Variants in MTMR1 observed in about 807,000 individuals in gnomAD.
The protein encoded by MTMR1 is phosphatidylinositol-3-phosphate phosphatase MTMR1.
Under a neutral mutation model 51.6 loss-of-function variants are expected in MTMR1, and 17 were observed. The ratio of observed to expected loss-of-function variants is 0.33; its 90% confidence interval spans 0.23 to 0.49. The LOEUF (loss-of-function observed/expected upper bound fraction) is 0.49. Ranked by LOEUF, MTMR1 falls within the 20% of genes least tolerant of loss-of-function variation. The probability of loss-of-function intolerance (pLI) is 0.99; values close to 1 mark genes in which losing one functional copy is unlikely to be tolerated. For synonymous variants in MTMR1, 201 were observed against 205.6 expected, an observed-to-expected ratio of 0.98 and a Z score of 0.19; for missense variants, 386 against 526.9, an observed-to-expected ratio of 0.73 and a Z score of 2.62.
intron 15 of MTMR1, among the ~76,000 whole-genome samples, chrX:150,761,188 C>G (rs1341124920): frequency 1.8e-5 from 2 of 110,953 alleles, no homozygotes; most frequent in African/African-American, 6.6e-5. Context: ...CCAGATGGGT[C>G]CTAAGGGTAA....
rs1320949523 is a variant in MTMR1, at chrX:150,751,915, T to C, written c.1680+1072T>C. Among the ~76,000 whole-genome samples the C allele has an allele frequency of 5.1e-3, 448 of 88,396 alleles. 2 individuals carry two copies. Among genetic ancestry groups the C allele is most frequent in the Middle Eastern group, 0.01 (2 of 193 alleles). 76.8% of individuals were successfully genotyped at this position (88,396 alleles called of 115,157 possible). Reference sequence around the variant, plus strand: ...AAAGTATATTCTTTTTCTTTCTTTTTTTTTTTTTTTTTTTTTTTTTGACGG... The same window carrying C: ...AAAGTATATTCTTTTTCTTTCTTTTCTTTTTTTTTTTTTTTTTTTTGACGG... On this transcript the variant is annotated intron_variant, in intron 14 of 15. Coordinates refer to ENST00000445323, the MANE Select transcript of MTMR1 (RefSeq NM_001306144.3).
At position 150,718,608 on chromosome X, in the gene MTMR1, T is replaced by TCCAGGG; in HGVS notation, c.277-17_277-16insCCAGGG. On this transcript the variant is annotated splice_polypyrimidine_tract_variant and intron_variant, in intron 3 of 15. Transcript: ENST00000445323. The stretch of plus-strand genomic sequence containing the variant: ...CCTTTTTTTTTTTTTTTTTTTTTTT[T>TCCAGGG]TTTTTTTTTTTGCCAGGCTCTAAGG... The TCCAGGG allele has an allele frequency of 2.6e-6, 2 of 777,104 alleles. No homozygotes were observed. The highest frequency in any genetic ancestry group is 3.4e-6 in the Non-Finnish European group (2 of 596,802). 64.0% of individuals were successfully genotyped at this position (777,104 alleles called of 1,213,427 possible). A position where few individuals can be genotyped will look rare whatever the true frequency, so the allele number is the denominator to read the frequency against.
chrX:150,694,250 C>T (rs1485782176), intron 1 of MTMR1, among the ~76,000 whole-genome samples: 1 of 111,766 alleles, frequency 8.9e-6, no homozygotes, highest in Non-Finnish European at 1.9e-5. Context: ...AAAACAGAAC[C>T]ATTTACTTTC....
intron 2 of MTMR1, among the ~76,000 whole-genome samples, chrX:150,704,279 C>T (rs1231059708): frequency 9.0e-6 from 1 of 111,102 alleles, no homozygotes; most frequent in Non-Finnish European, 1.9e-5. Context: ...AGCCAGAGGA[C>T]CAGGAAAGGG....
Position 150,763,304 on chromosome X carries a change from G to A in MTMR1, c.*575G>A, listed in dbSNP as rs2043199377. ...TTACGTTTAGAATAGTCACCCGAGGGGGGATCAGCTCAACTGTACTGTGGG... is the reference window on the plus strand; with the variant it reads ...TTACGTTTAGAATAGTCACCCGAGGAGGGATCAGCTCAACTGTACTGTGGG... On this transcript the variant is annotated 3_prime_UTR_variant, in exon 16 of 16. Transcript: ENST00000445323. 1 of 113,188 alleles carries A rather than the reference G, an allele frequency of 8.8e-6. No homozygotes were observed. The highest frequency in any genetic ancestry group is 9.3e-5 in the Admixed American group (1 of 10,780). 9.3% of individuals were successfully genotyped at this position (113,188 alleles called of 1,213,427 possible). A position where few individuals can be genotyped will look rare whatever the true frequency, so the allele number is the denominator to read the frequency against.
chrX:150,705,080 T>G (rs1001208702), intron 2 of MTMR1, among the ~76,000 whole-genome samples: 21 of 107,608 alleles, frequency 2.0e-4, no homozygotes, highest in African/African-American at 7.1e-4. Context: ...AACTAGAAAA[T>G]ACAATAAATG....
At chrX:150,735,705 C>T (rs1003888359) in intron 10 of MTMR1, 4 of 329,183 alleles carry the variant, frequency 1.2e-5, no homozygotes, top group East Asian at 9.4e-5. Flanking sequence ...TGGTGTACAA[C>T]GTGGTATTTT....
At chrX:150,729,390 C>T (rs2042045985) in intron 6 of MTMR1, among the ~76,000 whole-genome samples, 1 of 112,118 alleles carries the variant, frequency 8.9e-6, no homozygotes, top group Non-Finnish European at 1.9e-5. Flanking sequence ...CTTAGGCAGG[C>T]ATCCTGGGGC....
chrX:150,748,676 A>C (rs2042642331), intron 13 of MTMR1, among the ~76,000 whole-genome samples: 1 of 94,539 alleles, frequency 1.1e-5, no homozygotes, highest in South Asian at 6.4e-4. Flanking sequence ...AAAAAACAAA[A>C]AACAAAAAAA....
In MTMR1 at chrX:150,764,921, G is replaced by A. The variant is rs2043253031; in HGVS notation, c.*2192G>A. 1 of 110,637 alleles carries A rather than the reference G, an allele frequency of 9.0e-6. No homozygotes were observed. The highest frequency in any genetic ancestry group is 3.8e-4 in the South Asian group (1 of 2,633). 9.1% of individuals were successfully genotyped at this position (110,637 alleles called of 1,213,427 possible). ...TCATCTGTAATTAAAATGATCATAT[G>A]TTTGCTCCCTGGTCTTTTTTAAGTA... On this transcript the variant is annotated 3_prime_UTR_variant, in exon 16 of 16. Transcript: ENST00000445323.
At position 150,762,959 on chromosome X, in the gene MTMR1, G is replaced by A; in HGVS notation, c.*230G>A. 1 of 345,624 alleles carries A rather than the reference G, an allele frequency of 2.9e-6. No homozygotes were observed. The highest frequency in any genetic ancestry group is 8.3e-5 in the South Asian group (1 of 12,101). 28.5% of individuals were successfully genotyped at this position (345,624 alleles called of 1,213,427 possible). On this transcript the variant is annotated 3_prime_UTR_variant, in exon 16 of 16. Transcript: ENST00000445323. ...CTGTGAAGCAACTTCTGGCATTCAG[G>A]CAGCTTGGGAGAAACTAAGTGAACG...
rs368905816 is a variant in MTMR1, at chrX:150,755,755, C to A, written c.1747C>A (p.Pro583Thr). 2.5e-6 allele frequency: 3 copies of A among 1,205,244 alleles called. No homozygotes were observed. Among genetic ancestry groups the A allele is most frequent in the East Asian group, 3.0e-5 (1 of 33,778 alleles). ...INSQLDEFSN[P>T]FFVNYENHVL... ...TAGCCAGCTAGACGAGTTTTCTAAT[C>A]CCTTCTTTGTGAATTATGAAAACCA... The change falls in exon 15 of 16, where the codon CCC (proline) becomes ACC (threonine). Residue 583 changes from proline (P) to threonine (T), a missense_variant. Coordinates refer to ENST00000445323, the MANE Select transcript of MTMR1 (RefSeq NM_001306144.3).
chrX:150,730,336 T>C (rs2042078340), intron 7 of MTMR1, 126 bp downstream of exon 7: 4 of 544,622 alleles, frequency 7.3e-6, no homozygotes, highest in Non-Finnish European at 8.4e-6. Flanking sequence ...GTGACTAATA[T>C]TAGAATATTT....
chrX:150,757,099 C>G (rs1266796232), intron 15 of MTMR1, among the ~76,000 whole-genome samples: 2 of 112,461 alleles, frequency 1.8e-5, no homozygotes, highest in African/African-American at 3.3e-5. Context: ...CCTCATCCCT[C>G]TCACCTAGGG....
chrX:150,737,465 A>C lies in MTMR1; in HGVS notation c.1473+17A>C. On this transcript the variant is annotated intron_variant, in intron 12 of 15. Coordinates refer to ENST00000445323, the MANE Select transcript of MTMR1 (RefSeq NM_001306144.3). ...TTTGCACTGGTAAGTTCAGACAGTG[A>C]GGTTTATGCTGGACTGTTTTGCGGT... The C allele has an allele frequency of 8.4e-7, 1 of 1,188,943 alleles. No homozygotes were observed. The highest frequency in any genetic ancestry group is 1.8e-5 in the South Asian group (1 of 56,418).
intron 4 of MTMR1, among the ~76,000 whole-genome samples, chrX:150,723,076 C>T (rs2148607672): frequency 1.0e-5 from 1 of 98,646 alleles, no homozygotes; most frequent in East Asian, 3.3e-4. Flanking sequence ...TTGTTCAATT[C>T]CCATCTATGA....
At chrX:150,705,631 AT>A (rs1244594235) in intron 2 of MTMR1, among the ~76,000 whole-genome samples, 1 of 112,084 alleles carries the variant, frequency 8.9e-6, no homozygotes, top group African/African-American at 3.2e-5. Context: ...TGAAGAGGAA[AT>A]CAAGACATTT....
intron 15 of MTMR1, among the ~76,000 whole-genome samples, chrX:150,759,702 G>C (rs782697036): frequency 5.5e-5 from 6 of 109,899 alleles, no homozygotes; most frequent in Non-Finnish European, 9.7e-5. Context: ...GATGTGGTCA[G>C]GTTCTCACTC....
intron 4 of MTMR1, among the ~76,000 whole-genome samples, chrX:150,720,022 T>C (rs1557416542): frequency 8.9e-6 from 1 of 112,305 alleles, no homozygotes; most frequent in African/African-American, 3.2e-5. Context: ...CTTAAGGACA[T>C]CTGCAAATCC....
Sources: allele counts gnomAD v4.1 joint callset (sites outside exome capture counted in the v4.1 genomes callset), GRCh38; gene constraint gnomAD v4.1.1; transcripts MANE v1.5; gene names NCBI Gene and HGNC (gene_info 2026-07-23, HGNC 2026-07-21).